The following CSMD1 variants were observed in gnomAD, a reference collection of about 807,000 sequenced individuals.
CSMD1 encodes CUB and Sushi multiple domains 1.
Under a neutral mutation model 417.5 loss-of-function variants are expected in CSMD1, and 213 were observed. The observed-to-expected ratio is 0.51, with a 90% CI of 0.46 to 0.57. The LOEUF (loss-of-function observed/expected upper bound fraction) is 0.57. CSMD1 is among the 20% of genes least tolerant of loss of function. CSMD1 has a pLI of 0.00. For missense variants in CSMD1, 6,923 were observed against 4,529.7 expected (o/e 1.53, Z -15.17); for synonymous variants, 2,862 against 1,736.8 (o/e 1.65, Z -16.11).
At chr8:4,072,541 T>C (rs774802021) in intron 3 of CSMD1, among the ~76,000 whole-genome samples, 2 of 152,194 alleles carry the variant, frequency 1.3e-5, no homozygotes, top group Non-Finnish European at 2.9e-5. Context: ...CACATAGTTT[T>C]AAGTATTGTG....
chr8:3,181,300 C>G (rs1289552169), intron 36 of CSMD1, 86 bp from the exon 37 acceptor site: 2 of 886,336 alleles, frequency 2.3e-6, no homozygotes, highest in Non-Finnish European at 3.6e-6. Flanking sequence ...ACTTATTAGG[C>G]TTACAAATCC....
chr8:3,238,097 G>C (rs999278809), intron 26 of CSMD1, among the ~76,000 whole-genome samples: 2 of 151,960 alleles, frequency 1.3e-5, no homozygotes, highest in Non-Finnish European at 2.9e-5. Flanking sequence ...GAGAGTCACC[G>C]AAGGGAGATA....
At chr8:4,567,243 G>T (rs939307120) in intron 2 of CSMD1, among the ~76,000 whole-genome samples, 1 of 152,142 alleles carries the variant, frequency 6.6e-6, no homozygotes, top group Admixed American at 6.5e-5. Context: ...GTGAGTGAAT[G>T]AATGGTTTCA....
At chr8:4,811,842 A>G (rs565193296) in intron 1 of CSMD1, among the ~76,000 whole-genome samples, 3 of 151,924 alleles carry the variant, frequency 2.0e-5, no homozygotes, top group South Asian at 4.1e-4. Context: ...TTTTTCTTCT[A>G]TGAGACAGTG....
intron 67 of CSMD1, 138 bp downstream of exon 67, chr8:2,950,093 G>A (rs1802521822): frequency 3.2e-6 from 2 of 620,234 alleles, no homozygotes; most frequent in Middle Eastern, 2.7e-4. Context: ...ACTCTGTCAA[G>A]AAGAGGGGCA....
chr8:4,690,999 T>G (rs1806731211), intron 1 of CSMD1, among the ~76,000 whole-genome samples: 1 of 152,222 alleles, frequency 6.6e-6, no homozygotes, highest in African/African-American at 2.4e-5. Flanking sequence ...AGTGCTGGGA[T>G]TACAGGCATG....
chr8:3,906,866 A>C (rs2129137041), intron 5 of CSMD1, among the ~76,000 whole-genome samples: 1 of 152,314 alleles, frequency 6.6e-6, no homozygotes. Flanking sequence ...ATAAAGTAAA[A>C]GTATTAGTAC....
intron 3 of CSMD1, among the ~76,000 whole-genome samples, chr8:4,185,488 CA>C (rs1798613600): frequency 6.6e-6 from 1 of 152,086 alleles, no homozygotes; most frequent in East Asian, 1.9e-4. Flanking sequence ...CAGATCCATT[CA>C]GGGAATCCGA....
intron 5 of CSMD1, among the ~76,000 whole-genome samples, chr8:3,934,705 T>A (rs865813074): frequency 6.6e-6 from 1 of 151,754 alleles, no homozygotes; most frequent in East Asian, 1.9e-4. Context: ...CATGCAAAAA[T>A]TTAGCCGGGC....
intron 4 of CSMD1, among the ~76,000 whole-genome samples, chr8:4,007,046 G>C (rs1256553671): frequency 2.0e-5 from 3 of 151,902 alleles, no homozygotes; most frequent in Non-Finnish European, 2.9e-5. Flanking sequence ...CACCGTGTTA[G>C]CCAGGATGGT....
At chr8:4,787,644 G>C (rs1797477206) in intron 1 of CSMD1, 11 of 1,586,614 alleles carry the variant, frequency 6.9e-6, no homozygotes, top group Non-Finnish European at 9.5e-6. Flanking sequence ...TTTCTCAAAA[G>C]AAATCCTGGT....
intron 5 of CSMD1, among the ~76,000 whole-genome samples, chr8:3,789,359 T>A (rs1799606356): frequency 1.3e-5 from 2 of 151,172 alleles, no homozygotes; most frequent in Non-Finnish European, 2.9e-5. Context: ...TGTGTCTGCT[T>A]GTATTGCTAG....
chr8:4,051,905 TTCC>T (rs763447099), intron 3 of CSMD1, among the ~76,000 whole-genome samples: 4 of 147,514 alleles, frequency 2.7e-5, no homozygotes, highest in Non-Finnish European at 4.5e-5. Flanking sequence ...CCTTCCTTCC[TTCC>T]TTCCTTTCTT....
intron 10 of CSMD1, among the ~76,000 whole-genome samples, chr8:3,562,641 A>G (rs1585372967): frequency 6.6e-6 from 1 of 152,174 alleles, no homozygotes; most frequent in East Asian, 1.9e-4. Flanking sequence ...AATATCCTGG[A>G]TCTGTGAAAC....
intron 2 of CSMD1, among the ~76,000 whole-genome samples, chr8:4,474,651 T>C (rs533446335): frequency 1.3e-5 from 2 of 152,232 alleles, no homozygotes; most frequent in South Asian, 4.1e-4. Flanking sequence ...CAGAGTAAAC[T>C]CTTACACAGT....
At chr8:3,606,109 G>C (rs994348882) in intron 8 of CSMD1, among the ~76,000 whole-genome samples, 2 of 152,172 alleles carry the variant, frequency 1.3e-5, no homozygotes, top group Admixed American at 1.3e-4. Flanking sequence ...CGTTGAAATC[G>C]GGAAATGACA....
At position 4,119,663 on chromosome 8, in the gene CSMD1, C is replaced by A. The variant is rs561785239; in HGVS notation, c.416-87564G>T. On this transcript the variant is annotated intron_variant, in intron 3 of 69. Coordinates refer to ENST00000635120, the MANE Select transcript of CSMD1 (RefSeq NM_033225.6). ...GAACAAGGAAGCACACAAGCACACACTTGCAAGCCAGGAAGAGAGTCCTCC... is the reference window on the plus strand; with the variant it reads ...GAACAAGGAAGCACACAAGCACACAATTGCAAGCCAGGAAGAGAGTCCTCC... Among the ~76,000 whole-genome samples, 2 of 152,162 alleles carry A rather than the reference C, an allele frequency of 1.3e-5. 1 individual carries two copies. The highest frequency in any genetic ancestry group is 4.8e-5 in the African/African-American group (2 of 41,428).
rs1213326992 is a variant in CSMD1 at position 3,190,112 on chromosome 8, A to T, written c.5198T>A (p.Val1733Asp). The stretch of plus-strand genomic sequence containing the variant: ...GCATTGGGTGTCACTGGTACGAGGA[A>T]CAGCTAGAAGCAAAGTACAGAACAC... The part of the protein sequence containing the change: ...ARGFHFVYQA[V>D]PRTSDTQCSS... The change falls in exon 34 of 70, where the codon GTT (valine) becomes GAT (aspartate). Residue 1733 changes from valine to aspartate, a missense_variant. Physicochemically the swap from Val to Asp is radical, Grantham distance 152. Coordinates refer to ENST00000635120, the MANE Select transcript of CSMD1 (RefSeq NM_033225.6). 1 of 1,583,958 alleles carries T rather than the reference A, an allele frequency of 6.3e-7. No individual in the cohort carries two copies. The highest frequency in any genetic ancestry group is 8.6e-7 in the Non-Finnish European group (1 of 1,165,038).
At chr8:3,485,281 G>C (rs1225458426) in intron 11 of CSMD1, among the ~76,000 whole-genome samples, 1 of 152,162 alleles carries the variant, frequency 6.6e-6, no homozygotes, top group Admixed American at 6.6e-5. Context: ...TGAGTGAGAA[G>C]CAATCATAGA....
Sources: gnomAD v4.1 joint callset for allele counts (sites outside exome capture counted in the v4.1 genomes callset) on GRCh38, gnomAD v4.1.1 for gene constraint, MANE v1.5 for transcripts, NCBI Gene and HGNC (gene_info 2026-07-23, HGNC 2026-07-21) for gene names.